The following SPOPL variants were observed in gnomAD, a reference collection of about 807,000 sequenced individuals.
SPOPL encodes the protein speckle-type POZ protein-like.
SPOPL carries 23 observed loss-of-function variants against 53.8 expected under a neutral mutation model. The observed-to-expected ratio is 0.43, with a 90% CI of 0.31 to 0.61. The LOEUF (loss-of-function observed/expected upper bound fraction) is 0.61. Among genes scored for constraint, SPOPL ranks in the 20% least tolerant of loss-of-function variants. SPOPL has a pLI of 0.12. For synonymous variants in SPOPL, 164 were observed against 149.7 expected (o/e 1.10, Z -0.70); for missense variants, 442 against 466.9 (o/e 0.95, Z 0.49).
intron 10 of SPOPL, among the ~76,000 whole-genome samples, chr2:138,567,967 C>T (rs1274648773): frequency 6.6e-6 from 1 of 151,842 alleles, no homozygotes; most frequent in African/African-American, 2.4e-5. Flanking sequence ...GTATAAAATG[C>T]CAGATCATGG....
chr2:138,521,508 G>A (rs973985397), intron 1 of SPOPL, among the ~76,000 whole-genome samples: 4 of 151,872 alleles, frequency 2.6e-5, no homozygotes, highest in African/African-American at 7.3e-5. Context: ...TGATTTTGTG[G>A]CGTTATATTG....
At chr2:138,508,760 A>G (rs1276135195) in intron 1 of SPOPL, among the ~76,000 whole-genome samples, 1 of 152,172 alleles carries the variant, frequency 6.6e-6, no homozygotes, top group African/African-American at 2.4e-5. Context: ...GGGAATTAAG[A>G]AAATTATAAC....
rs544895779 is a variant in SPOPL at position 138,517,978 on chromosome 2, G to A, written c.-61+15859G>A. Among the ~76,000 whole-genome samples, 115 of 150,880 alleles carry A rather than the reference G, an allele frequency of 7.6e-4. 1 individual carries two copies. Among genetic ancestry groups the A allele is most frequent in the Middle Eastern group, 6.8e-3 (2 of 292 alleles). On this transcript the variant is annotated intron_variant, in intron 1 of 10. Coordinates refer to ENST00000280098, the MANE Select transcript of SPOPL (RefSeq NM_001001664.3). ...CAGGACAATCACTTGAACCTAGGAG[G>A]CGGAGGTGGCAGTGAGCCAAGATTG... is the stretch of plus-strand genomic sequence containing the variant.
rs1350881981 is a variant in SPOPL at position 138,569,402 on chromosome 2, T to C, written c.*322T>C. On this transcript the variant is annotated 3_prime_UTR_variant, in exon 11 of 11. Coordinates refer to ENST00000280098, the MANE Select transcript of SPOPL (RefSeq NM_001001664.3). Reference sequence around the variant, plus strand: ...TTGCACTAGCTCCATAATGCAGTAATATTGATAACTGAAGATACTAAGTTT... The same window carrying C: ...TTGCACTAGCTCCATAATGCAGTAACATTGATAACTGAAGATACTAAGTTT... The C allele has an allele frequency of 4.9e-6, 1 of 203,396 alleles. No individual in the cohort carries two copies. The highest frequency in any genetic ancestry group is 2.3e-5 in the African/African-American group (1 of 43,350). The allele number at this position is 203,396 out of a possible 1,614,324, so 12.6% of individuals were successfully genotyped here.
At chr2:138,540,775 C>G (rs549780378) in intron 1 of SPOPL, among the ~76,000 whole-genome samples, 3 of 152,286 alleles carry the variant, frequency 2.0e-5, no homozygotes, top group Non-Finnish European at 4.4e-5. Context: ...ACTTCCAACA[C>G]TATGTTGAAT....
chr2:138,538,105 T>C (rs1304961311), intron 1 of SPOPL, among the ~76,000 whole-genome samples: 4 of 152,214 alleles, frequency 2.6e-5, no homozygotes, highest in Non-Finnish European at 5.9e-5. Context: ...TTTTTTTAAA[T>C]TCGTCGAGAC....
intron 1 of SPOPL, among the ~76,000 whole-genome samples, chr2:138,529,390 C>A (rs1684749939): frequency 6.6e-6 from 1 of 151,820 alleles, no homozygotes; most frequent in Non-Finnish European, 1.5e-5. Context: ...TTCTTTATGG[C>A]CCTTTTGAAT....
intron 1 of SPOPL, among the ~76,000 whole-genome samples, chr2:138,538,745 T>C (rs561410861): frequency 2.0e-5 from 3 of 152,190 alleles, no homozygotes; most frequent in Non-Finnish European, 2.9e-5. Flanking sequence ...CTGTTTTCTT[T>C]TTTTTTTTTC....
rs1685823229 is a variant in SPOPL at position 138,573,199 on chromosome 2, A to G, written c.*4119A>G. On this transcript the variant is annotated 3_prime_UTR_variant, in exon 11 of 11. Coordinates refer to ENST00000280098, the MANE Select transcript of SPOPL (RefSeq NM_001001664.3). ...ATATTTTTTGCATTTCAACACATTGAGTTAAAATAAAGTTGTTACTACTTA... is the reference window on the plus strand; with the variant it reads ...ATATTTTTTGCATTTCAACACATTGGGTTAAAATAAAGTTGTTACTACTTA... 1 of 152,120 alleles carries G rather than the reference A, an allele frequency of 6.6e-6. No individual in the cohort carries two copies. Among genetic ancestry groups the G allele is most frequent in the African/African-American group, 2.4e-5 (1 of 41,430 alleles). 9.4% of individuals were successfully genotyped at this position (152,120 alleles called of 1,614,324 possible).
At chr2:138,537,823 C>A (rs1684969903) in intron 1 of SPOPL, among the ~76,000 whole-genome samples, 1 of 152,140 alleles carries the variant, frequency 6.6e-6, no homozygotes, top group Non-Finnish European at 1.5e-5. Context: ...ATAAATGTTT[C>A]TTCATTTGTT....
intron 1 of SPOPL, among the ~76,000 whole-genome samples, chr2:138,548,407 A>G (rs1685244358): frequency 1.3e-5 from 2 of 151,886 alleles, no homozygotes; most frequent in Admixed American, 1.3e-4. Flanking sequence ...ACTTTTAGAA[A>G]TTGGTAGCTT....
chr2:138,564,071 A>G (rs1386489987), intron 8 of SPOPL, among the ~76,000 whole-genome samples: 2 of 152,238 alleles, frequency 1.3e-5, no homozygotes, highest in Non-Finnish European at 2.9e-5. Context: ...CTATAGTGAT[A>G]GAAAGCATAT....
At chr2:138,528,375 T>A (rs1684723348) in intron 1 of SPOPL, among the ~76,000 whole-genome samples, 1 of 152,260 alleles carries the variant, frequency 6.6e-6, no homozygotes, top group South Asian at 2.1e-4. Context: ...GGATTGTGAT[T>A]TATCTACCTT....
chr2:138,544,744 C>T (rs1338730725), intron 1 of SPOPL, among the ~76,000 whole-genome samples: 1 of 152,222 alleles, frequency 6.6e-6, no homozygotes, highest in Admixed American at 6.5e-5. Context: ...CACTGTCCTG[C>T]ACCCACTTTC....
intron 5 of SPOPL, among the ~76,000 whole-genome samples, chr2:138,555,131 G>GT (rs1685393941): frequency 7.1e-6 from 1 of 140,090 alleles, no homozygotes; most frequent in African/African-American, 2.6e-5. Context: ...AGGGTAGGAG[G>GT]GTGTGTGTGT....
intron 1 of SPOPL, among the ~76,000 whole-genome samples, chr2:138,524,800 T>C (rs1684633925): frequency 6.6e-6 from 1 of 152,242 alleles, no homozygotes; most frequent in African/African-American, 2.4e-5. Context: ...TCCATATCAT[T>C]ATTAGCATTT....
In SPOPL at chr2:138,559,344, A is replaced by G. The variant is rs777277016; in HGVS notation, c.714+7A>G. 1.9e-6 allele frequency: 3 copies of G among 1,607,522 alleles called. No homozygotes were observed. Among genetic ancestry groups the G allele is most frequent in the African/African-American group, 1.3e-5 (1 of 74,540 alleles). On this transcript the variant is annotated splice_region_variant and intron_variant, in intron 7 of 10. Transcript: ENST00000280098. ...AATGGAAGAAAGCAAAAAGGTAAAC[A>G]TGGCTTAAAGGCTAATATTGAATTT...
In SPOPL at chr2:138,550,277, A is replaced by G; in HGVS notation, c.61A>G (p.Ser21Gly). The change falls in exon 2 of 11, where the codon AGC becomes GGC. Residue 21 changes from serine to glycine, a missense_variant. Physicochemically the swap from Ser to Gly is moderately conservative, Grantham distance 56. Transcript: ENST00000280098. ...TATGTCTACTGGTCCCATAGCAGAA[A>G]GCTGGTGTTACACACAGGTACATGC... is the stretch of plus-strand genomic sequence containing the variant. ...GDMSTGPIAE[S>G]WCYTQVKVVK... 1 of 1,613,658 alleles carries G rather than the reference A, an allele frequency of 6.2e-7. No individual in the cohort carries two copies. The highest frequency in any genetic ancestry group is 1.3e-5 in the African/African-American group (1 of 75,030).
At chr2:138,532,034 T>C (rs1055590462) in intron 1 of SPOPL, among the ~76,000 whole-genome samples, 3 of 152,242 alleles carry the variant, frequency 2.0e-5, no homozygotes, top group Non-Finnish European at 4.4e-5. Flanking sequence ...TCATACAGTC[T>C]AGTTTTACTT....
Sources: allele counts gnomAD v4.1 joint callset (sites outside exome capture counted in the v4.1 genomes callset), GRCh38; gene constraint gnomAD v4.1.1; transcripts MANE v1.5; gene names NCBI Gene and HGNC (gene_info 2026-07-23, HGNC 2026-07-21).